Variants in HDAC9 observed in about 807,000 individuals in gnomAD.
HDAC9 encodes histone deacetylase 9.
Under a neutral mutation model 139.4 loss-of-function variants are expected in HDAC9, and 41 were observed. That is an observed-to-expected ratio of 0.29 (90% CI 0.23 to 0.38). The LOEUF (loss-of-function observed/expected upper bound fraction) is 0.38, where lower values mean the gene tolerates loss of function less well. HDAC9 is among the 10% of genes least tolerant of loss of function. The probability of loss-of-function intolerance (pLI) is 1.00; values close to 1 mark genes in which losing one functional copy is unlikely to be tolerated. For missense variants in HDAC9, 1,147 were observed against 1,297.0 expected, an observed-to-expected ratio of 0.88 and a Z score of 1.78; for synonymous variants, 517 against 476.2, an observed-to-expected ratio of 1.09 and a Z score of -1.12.
chr7:18,623,180 A>G (rs1840706559), intron 6 of HDAC9, among the ~76,000 whole-genome samples: 2 of 152,076 alleles, frequency 1.3e-5, no homozygotes, highest in Non-Finnish European at 2.9e-5. Flanking sequence ...GAGGCAAAAT[A>G]CACATAGTAG....
Position 18,751,043 on chromosome 7 carries a change from C to T in HDAC9, c.2043+1905C>T, listed in dbSNP as rs149313405. On this transcript the variant is annotated intron_variant, in intron 14 of 25. Coordinates refer to ENST00000686413, the MANE Select transcript of HDAC9 (RefSeq NM_178425.4). Reference sequence around the variant, plus strand: ...AACTGTTTATGAAAGGAACAGAGTACAGAAATAAATGGAATTTGATATGAT... The same window carrying T: ...AACTGTTTATGAAAGGAACAGAGTATAGAAATAAATGGAATTTGATATGAT... Among the ~76,000 whole-genome samples the T allele has an allele frequency of 1.4e-3, 215 of 152,228 alleles. 1 individual carries two copies. The highest frequency in any genetic ancestry group is 0.014 in the Admixed American group (208 of 15,292).
At chr7:18,429,549 T>TTGTGTGTGTGTG (rs544337272) in intron 1 of HDAC9, among the ~76,000 whole-genome samples, 1 of 150,110 alleles carries the variant, frequency 6.7e-6, no homozygotes, top group African/African-American at 2.5e-5. Context: ...GTGTGTGTAT[T>TTGTGTGTGTGTG]TGTGTGTGTG....
chr7:18,972,628 C>A (rs573102451), intron 24 of HDAC9, among the ~76,000 whole-genome samples: 2 of 151,998 alleles, frequency 1.3e-5, no homozygotes, highest in South Asian at 2.1e-4. Flanking sequence ...TGATCCACCC[C>A]CTTCAGCCTC....
At chr7:18,875,703 T>C (rs1239562385) in intron 22 of HDAC9, among the ~76,000 whole-genome samples, 1 of 152,176 alleles carries the variant, frequency 6.6e-6, no homozygotes, top group Non-Finnish European at 1.5e-5. Context: ...TAAAATTGAA[T>C]AGAGAGGTGT....
At chr7:18,919,632 A>G (rs1403137944) in intron 22 of HDAC9, among the ~76,000 whole-genome samples, 1 of 151,978 alleles carries the variant, frequency 6.6e-6, no homozygotes, top group Non-Finnish European at 1.5e-5. Flanking sequence ...CTTGAAAGGG[A>G]GGTGGGAGGC....
intron 1 of HDAC9, among the ~76,000 whole-genome samples, chr7:18,155,219 G>A (rs973899661): frequency 6.6e-6 from 1 of 151,694 alleles, no homozygotes; most frequent in South Asian, 2.1e-4. Flanking sequence ...ACTCCCTATT[G>A]TCCAAGGAGG....
At chr7:18,388,217 C>A (rs1034337275) in intron 1 of HDAC9, among the ~76,000 whole-genome samples, 4 of 152,154 alleles carry the variant, frequency 2.6e-5, no homozygotes, top group African/African-American at 9.7e-5. Context: ...AGACCATTCC[C>A]AAGTTGTCCC....
At chr7:18,761,918 C>A (rs1282292576) in intron 14 of HDAC9, among the ~76,000 whole-genome samples, 2 of 152,068 alleles carry the variant, frequency 1.3e-5, no homozygotes, top group African/African-American at 4.8e-5. Flanking sequence ...CTCTTCCATG[C>A]CAAATAAGAA....
chr7:18,914,721 C>G (rs534997802), intron 22 of HDAC9, among the ~76,000 whole-genome samples: 2 of 137,368 alleles, frequency 1.5e-5, no homozygotes, highest in East Asian at 4.0e-4. Context: ...TGAGTTGGAA[C>G]TTGATGTAAA....
chr7:18,156,692 A>T (rs1458686105), intron 1 of HDAC9, among the ~76,000 whole-genome samples: 1 of 152,214 alleles, frequency 6.6e-6, no homozygotes, highest in Non-Finnish European at 1.5e-5. Flanking sequence ...CTCCACTAAC[A>T]TAAGATACAT....
intron 25 of HDAC9, among the ~76,000 whole-genome samples, chr7:18,979,437 T>G (rs147896523): frequency 2.6e-4 from 39 of 152,326 alleles, no homozygotes; most frequent in African/African-American, 9.4e-4. Flanking sequence ...AGAAGCTAAA[T>G]GTTGCACAAA....
At chr7:18,543,902 A>T (rs1026104205) in intron 2 of HDAC9, among the ~76,000 whole-genome samples, 1 of 151,512 alleles carries the variant, frequency 6.6e-6, no homozygotes, top group South Asian at 2.1e-4. Flanking sequence ...AAAAAAAAAA[A>T]GAAAAGTGGC....
At chr7:18,343,920 C>G (rs1490004522) in intron 1 of HDAC9, among the ~76,000 whole-genome samples, 1 of 151,830 alleles carries the variant, frequency 6.6e-6, no homozygotes, top group Non-Finnish European at 1.5e-5. Context: ...ATAGCCTAGT[C>G]TAGTCTAGTA....
At chr7:18,891,456 A>C (rs1321502434) in intron 22 of HDAC9, among the ~76,000 whole-genome samples, 2 of 152,194 alleles carry the variant, frequency 1.3e-5, no homozygotes, top group African/African-American at 4.8e-5. Context: ...AGTAGTCTCC[A>C]GGGGACTATT....
At chr7:18,677,142 C>G (rs998960389) in intron 12 of HDAC9, among the ~76,000 whole-genome samples, 1 of 151,924 alleles carries the variant, frequency 6.6e-6, no homozygotes, top group African/African-American at 2.4e-5. Flanking sequence ...CATCCTCACT[C>G]TCCTCCCAGC....
chr7:18,988,812 A>G (rs1785606672), intron 25 of HDAC9, among the ~76,000 whole-genome samples: 1 of 151,744 alleles, frequency 6.6e-6, no homozygotes, highest in Non-Finnish European at 1.5e-5. Flanking sequence ...CTTTACCATT[A>G]TGTAATGGCC....
chr7:18,424,817 C>A (rs1216807547), intron 1 of HDAC9, among the ~76,000 whole-genome samples: 2 of 152,138 alleles, frequency 1.3e-5, no homozygotes, highest in African/African-American at 4.8e-5. Flanking sequence ...GGAGGAGAAT[C>A]ACTTGAATCC....
At chr7:18,577,491 A>G (rs1189306757) in intron 2 of HDAC9, among the ~76,000 whole-genome samples, 1 of 152,158 alleles carries the variant, frequency 6.6e-6, no homozygotes, top group Admixed American at 6.5e-5. Flanking sequence ...GTAACAAATA[A>G]CATAGGACAT....
rs1220151549 is a variant in HDAC9 at position 18,835,947 on chromosome 7, A to T, written c.2634A>T (p.Thr878=). The T allele has an allele frequency of 1.9e-6, 3 of 1,565,856 alleles. No homozygotes were observed. The highest frequency in any genetic ancestry group is 2.6e-6 in the Non-Finnish European group (3 of 1,153,698). ...GGTACAATATAAATATTGCCTGGAC[A>T]GGTGGCCTTGATCCTCCCATGGGAG... ...GEGYNINIAW[T]GGLDPPMGDV... Residue 878 remains threonine (T), a synonymous_variant, in exon 21 of 26, where the codon ACA becomes ACT. Coordinates refer to ENST00000686413, the MANE Select transcript of HDAC9 (RefSeq NM_178425.4).
Sources: gnomAD v4.1 joint callset for allele counts (sites outside exome capture counted in the v4.1 genomes callset) on GRCh38, gnomAD v4.1.1 for gene constraint, MANE v1.5 for transcripts, NCBI Gene and HGNC (gene_info 2026-07-23, HGNC 2026-07-21) for gene names.